SND1: variants seen among roughly 807,000 people sequenced by gnomAD.
SND1 encodes staphylococcal nuclease and tudor domain containing 1, also known as staphylococcal nuclease domain-containing protein 1.
In SND1, 38 loss-of-function variants were observed where a neutral mutation model predicts 121.7. The observed-to-expected ratio is 0.31, with a 90% CI of 0.24 to 0.41. The LOEUF (loss-of-function observed/expected upper bound fraction) is 0.41, where lower values mean the gene tolerates loss of function less well. SND1 is among the 10% of genes least tolerant of loss of function. The probability of loss-of-function intolerance (pLI) is 1.00; values close to 1 mark genes in which losing one functional copy is unlikely to be tolerated. For synonymous variants in SND1, 401 were observed against 447.4 expected (o/e 0.90, Z 1.31); for missense variants, 868 against 1,184.6 (o/e 0.73, Z 3.92).
intron 12 of SND1, among the ~76,000 whole-genome samples, chr7:127,859,342 G>A (rs1288567672): frequency 1.3e-5 from 2 of 152,296 alleles, no homozygotes; most frequent in East Asian, 1.9e-4. Context: ...TGGCCAGTTG[G>A]CAGTTCTATT....
In SND1 at chr7:127,863,658, A is replaced by G. The variant is rs908299643; in HGVS notation, c.1343+19234A>G. Among the ~76,000 whole-genome samples, 4 of 152,326 alleles carry G rather than the reference A, an allele frequency of 2.6e-5. 1 individual carries two copies. The South Asian group carries it at 6.2e-4, about 24-fold the overall frequency. On this transcript the variant is annotated intron_variant, in intron 12 of 23. Coordinates refer to ENST00000354725, the MANE Select transcript of SND1 (RefSeq NM_014390.4). ...CTGTGAGTGTGACCCCCTCATTACA[A>G]GCACCATGGAAAGTAACCTGTTAAA...
chr7:127,762,777 A>G (rs895617419), intron 10 of SND1, among the ~76,000 whole-genome samples: 5 of 152,238 alleles, frequency 3.3e-5, no homozygotes, highest in Non-Finnish European at 7.3e-5. Flanking sequence ...AGTAACTTCT[A>G]AATTCAGTTA....
chr7:127,977,060 C>A (rs1802136455), intron 15 of SND1, among the ~76,000 whole-genome samples: 1 of 152,172 alleles, frequency 6.6e-6, no homozygotes, highest in Admixed American at 6.5e-5. Context: ...GATATGCAGT[C>A]TCTCCACACC....
intron 16 of SND1, among the ~76,000 whole-genome samples, chr7:128,070,900 CA>C (rs1047558073): frequency 2.0e-5 from 3 of 151,900 alleles, no homozygotes; most frequent in Admixed American, 1.3e-4. Flanking sequence ...CACAGAGTGA[CA>C]AAAAAAATTG....
intron 15 of SND1, among the ~76,000 whole-genome samples, chr7:127,983,205 A>AG (rs1802306729): frequency 6.6e-6 from 1 of 152,092 alleles, no homozygotes; most frequent in Admixed American, 6.6e-5. Context: ...ATAGAAATGG[A>AG]ACTAATTGAG....
At chr7:127,778,034 C>T (rs1227611584) in intron 10 of SND1, among the ~76,000 whole-genome samples, 1 of 152,146 alleles carries the variant, frequency 6.6e-6, no homozygotes, top group African/African-American at 2.4e-5. Flanking sequence ...TTCACAGCTA[C>T]ACTGGTTCAT....
At chr7:127,971,739 C>T (rs1338485260) in intron 15 of SND1, among the ~76,000 whole-genome samples, 4 of 150,426 alleles carry the variant, frequency 2.7e-5, no homozygotes, top group Non-Finnish European at 5.9e-5. Flanking sequence ...CAATAAAGTA[C>T]ACAAGTCGTA....
At position 127,652,462 on chromosome 7, in the gene SND1, G is replaced by T; in HGVS notation, c.78+11G>T. 1 of 1,563,458 alleles carries T rather than the reference G, an allele frequency of 6.4e-7. No individual in the cohort carries two copies. The highest frequency in any genetic ancestry group is 1.9e-5 in the Admixed American group (1 of 51,934). ...GGCATCATCAAGATGGTGAGAACGG[G>T]CCCCGGACACCGACCCCTCTGCCTG... On this transcript the variant is annotated intron_variant, in intron 1 of 23. Coordinates refer to ENST00000354725, the MANE Select transcript of SND1 (RefSeq NM_014390.4).
At chr7:127,892,799 C>A (rs1367556023) in intron 13 of SND1, among the ~76,000 whole-genome samples, 1 of 150,884 alleles carries the variant, frequency 6.6e-6, no homozygotes, top group Non-Finnish European at 1.5e-5. Flanking sequence ...TTTTGTCCCC[C>A]CCTCCCCACC....
At chr7:127,702,884 A>G (rs1376785460) in intron 6 of SND1, among the ~76,000 whole-genome samples, 1 of 152,198 alleles carries the variant, frequency 6.6e-6, no homozygotes, top group Non-Finnish European at 1.5e-5. Flanking sequence ...AAAGCTGAGC[A>G]CTGGCAAGTC....
intron 10 of SND1, among the ~76,000 whole-genome samples, chr7:127,766,710 T>G (rs1386979283): frequency 1.6e-5 from 2 of 126,600 alleles, no homozygotes; most frequent in Non-Finnish European, 3.1e-5. Flanking sequence ...AGGCGGAGCT[T>G]GCAGTGAGCC....
intron 10 of SND1, among the ~76,000 whole-genome samples, chr7:127,747,573 C>G (rs1797003312): frequency 6.6e-6 from 1 of 152,114 alleles, no homozygotes; most frequent in Non-Finnish European, 1.5e-5. Flanking sequence ...CCTGGAAGAT[C>G]CTTTAGAAAA....
chr7:128,051,158 T>C lies in SND1; in HGVS notation c.1780-23344T>C, dbSNP rs538877395. On this transcript the variant is annotated intron_variant, in intron 16 of 23. Transcript: ENST00000354725. ...GTGCAGGAGTTTTCCTCCTGGACAG[T>C]GTCACCAAATCCTTCCCATGGGGTA... Among the ~76,000 whole-genome samples the C allele has an allele frequency of 2.0e-5, 3 of 152,330 alleles. No individual in the cohort carries two copies. In the South Asian group the frequency reaches 6.2e-4, roughly 32 times the overall value.
chr7:127,984,387 T>A (rs1355953096), intron 15 of SND1, among the ~76,000 whole-genome samples: 1 of 152,230 alleles, frequency 6.6e-6, no homozygotes, highest in African/African-American at 2.4e-5. Context: ...TGAAGTGTTA[T>A]ATAACCATGG....
intron 1 of SND1, among the ~76,000 whole-genome samples, chr7:127,678,003 G>A (rs574959326): frequency 6.6e-6 from 1 of 152,304 alleles, no homozygotes; most frequent in South Asian, 2.1e-4. Context: ...ATTTGGGACA[G>A]CCAGCTCATG....
intron 1 of SND1, among the ~76,000 whole-genome samples, chr7:127,682,722 A>T (rs1324932372): frequency 2.0e-5 from 3 of 152,190 alleles, no homozygotes; most frequent in Non-Finnish European, 4.4e-5. Context: ...CTTACATGTG[A>T]TGTTTATTGT....
At chr7:127,731,111 C>T (rs560717375) in intron 10 of SND1, among the ~76,000 whole-genome samples, 1 of 152,360 alleles carries the variant, frequency 6.6e-6, no homozygotes, top group African/African-American at 2.4e-5. Context: ...GCTCCCCTTC[C>T]AGCCTCCCGT....
Position 127,976,271 on chromosome 7 carries a change from A to C in SND1, c.1670-14676A>C, listed in dbSNP as rs370873646. The stretch of plus-strand genomic sequence containing the variant: ...AATCCTGATTTCTGGCAAGCTTCCC[A>C]TCCTGGTGCTGTCCTTCTTTTGTGC... On this transcript the variant is annotated intron_variant, in intron 15 of 23. Coordinates refer to ENST00000354725, the MANE Select transcript of SND1 (RefSeq NM_014390.4). Among the ~76,000 whole-genome samples the C allele has an allele frequency of 3.9e-5, 6 of 152,122 alleles. No individual in the cohort carries two copies. In the East Asian group the frequency reaches 1.2e-3, roughly 29 times the overall value.
intron 10 of SND1, among the ~76,000 whole-genome samples, chr7:127,763,869 G>C (rs1797355262): frequency 6.6e-6 from 1 of 151,610 alleles, no homozygotes; most frequent in Non-Finnish European, 1.5e-5. Flanking sequence ...TGAGGGAGGA[G>C]GATTGCCTCA....
Sources: allele counts gnomAD v4.1 joint callset (sites outside exome capture counted in the v4.1 genomes callset), GRCh38; gene constraint gnomAD v4.1.1; transcripts MANE v1.5; gene names NCBI Gene and HGNC (gene_info 2026-07-23, HGNC 2026-07-21).